Variants in CPNE4 observed in about 807,000 individuals in gnomAD.
CPNE4 encodes the protein copine-4.
CPNE4 carries 25 observed loss-of-function variants against 67.9 expected under a neutral mutation model. The observed-to-expected ratio is 0.37, with a 90% CI of 0.27 to 0.51. The LOEUF (loss-of-function observed/expected upper bound fraction) is 0.51. Ranked by LOEUF, CPNE4 falls within the 20% of genes least tolerant of loss-of-function variation. The pLI is 0.93. For synonymous variants in CPNE4, 242 were observed against 244.9 expected, an observed-to-expected ratio of 0.99 and a Z score of 0.11; for missense variants, 464 against 690.8, an observed-to-expected ratio of 0.67 and a Z score of 3.68.
At chr3:132,031,064 A>G (rs990036440) in intron 1 of CPNE4, among the ~76,000 whole-genome samples, 15 of 152,118 alleles carry the variant, frequency 9.9e-5, no homozygotes, top group African/African-American at 3.4e-4. Context: ...AGAAAATATT[A>G]TAAGATTTTG....
chr3:131,703,895 T>C (rs2081359523), intron 3 of CPNE4, among the ~76,000 whole-genome samples: 1 of 152,326 alleles, frequency 6.6e-6, no homozygotes, highest in Non-Finnish European at 1.5e-5. Flanking sequence ...ACATGCATTA[T>C]AGAACTTTTA....
intron 2 of CPNE4, among the ~76,000 whole-genome samples, chr3:131,788,505 A>T (rs1386737091): frequency 1.3e-5 from 2 of 152,140 alleles, no homozygotes; most frequent in African/African-American, 4.8e-5. Flanking sequence ...GGTAATACTC[A>T]ATGTTGACAA....
chr3:131,728,611 A>G (rs2082052583), intron 2 of CPNE4, among the ~76,000 whole-genome samples: 1 of 152,108 alleles, frequency 6.6e-6, no homozygotes, highest in African/African-American at 2.4e-5. Flanking sequence ...AACACTGCCC[A>G]TAGAAATTGG....
chr3:131,699,858 C>G (rs148551652), intron 4 of CPNE4, 51 bp downstream of exon 4: 2 of 1,523,118 alleles, frequency 1.3e-6, no homozygotes, highest in African/African-American at 2.7e-5. Flanking sequence ...CTGGCCAGTC[C>G]GCCCAGGCTC....
intron 7 of CPNE4, among the ~76,000 whole-genome samples, chr3:131,600,105 C>T (rs1274051635): frequency 6.6e-6 from 1 of 152,054 alleles, no homozygotes; most frequent in Non-Finnish European, 1.5e-5. Flanking sequence ...CTGGGATGTC[C>T]AGCAGCCATA....
At chr3:132,025,416 G>A (rs1156312519) in intron 1 of CPNE4, among the ~76,000 whole-genome samples, 1 of 152,156 alleles carries the variant, frequency 6.6e-6, no homozygotes, top group East Asian at 1.9e-4. Flanking sequence ...CCAGCATAAC[G>A]CTTGAGTCAC....
At chr3:131,594,707 T>A (rs1938738399) in intron 7 of CPNE4, among the ~76,000 whole-genome samples, 1 of 152,162 alleles carries the variant, frequency 6.6e-6, no homozygotes, top group Admixed American at 6.5e-5. Flanking sequence ...TAGGACTACA[T>A]CAAACTAAAA....
At chr3:131,717,441 T>G (rs1047986326) in intron 3 of CPNE4, among the ~76,000 whole-genome samples, 3 of 152,202 alleles carry the variant, frequency 2.0e-5, no homozygotes, top group African/African-American at 7.2e-5. Context: ...AGCTATCACC[T>G]ATAGGGATTA....
At chr3:131,619,505 C>A (rs146497345) in intron 7 of CPNE4, among the ~76,000 whole-genome samples, 1 of 152,038 alleles carries the variant, frequency 6.6e-6, no homozygotes, top group Admixed American at 6.5e-5. Flanking sequence ...GCTTTGTGTG[C>A]GGTGAAATGC....
chr3:131,829,150 C>T (rs979483868), intron 2 of CPNE4, among the ~76,000 whole-genome samples: 3 of 152,260 alleles, frequency 2.0e-5, no homozygotes, highest in African/African-American at 7.2e-5. Flanking sequence ...TTCACTATCA[C>T]AAGAATGGAA....
rs368114471 is a variant in CPNE4, at chr3:131,560,076, T to A, written c.1061+4140A>T. Reference sequence around the variant, plus strand: ...TTAGAACTGACACAATAGTTCTGTCTCCCTTTGTGTTCAGATCATTTTTGA... The same window carrying A: ...TTAGAACTGACACAATAGTTCTGTCACCCTTTGTGTTCAGATCATTTTTGA... On this transcript the variant is annotated intron_variant, in intron 11 of 15. Transcript: ENST00000429747. Among the ~76,000 whole-genome samples the A allele has an allele frequency of 7.9e-5, 12 of 152,196 alleles. No homozygotes were observed. In the South Asian group the frequency reaches 2.1e-3, roughly 26 times the overall value.
At chr3:131,870,393 G>T (rs189981672) in intron 2 of CPNE4, among the ~76,000 whole-genome samples, 66 of 152,262 alleles carry the variant, frequency 4.3e-4, no homozygotes, top group Non-Finnish European at 7.8e-4. Flanking sequence ...ACAGATTTAC[G>T]ATATGAGGGC....
intron 2 of CPNE4, among the ~76,000 whole-genome samples, chr3:131,803,214 T>C (rs963238443): frequency 6.6e-6 from 1 of 152,180 alleles, no homozygotes; most frequent in Non-Finnish European, 1.5e-5. Flanking sequence ...GGATGAATTT[T>C]CATTTGAGTA....
chr3:132,001,820 T>A (rs2073458703), intron 1 of CPNE4, among the ~76,000 whole-genome samples: 1 of 152,100 alleles, frequency 6.6e-6, no homozygotes, highest in Non-Finnish European at 1.5e-5. Context: ...ATCCACTGAG[T>A]CCCTCCAAAT....
intron 10 of CPNE4, among the ~76,000 whole-genome samples, chr3:131,566,661 A>C (rs1937073288): frequency 1.3e-5 from 2 of 151,966 alleles, no homozygotes; most frequent in Non-Finnish European, 2.9e-5. Flanking sequence ...ACAATGTTTG[A>C]GAAAATCATA....
At chr3:131,697,463 T>A (rs919324109) in intron 4 of CPNE4, among the ~76,000 whole-genome samples, 9 of 152,254 alleles carry the variant, frequency 5.9e-5, no homozygotes, top group Admixed American at 6.5e-5. Flanking sequence ...TTACCTCTTT[T>A]CTATCTGAGC....
chr3:132,001,597 A>AAGAAAG (rs775991425), intron 1 of CPNE4, among the ~76,000 whole-genome samples: 2 of 151,376 alleles, frequency 1.3e-5, no homozygotes, highest in African/African-American at 2.4e-5. Context: ...GAAAGAAAGA[A>AAGAAAG]AGAAAGAAAG....
chr3:131,664,073 A>G (rs2080199337), intron 7 of CPNE4, among the ~76,000 whole-genome samples: 1 of 152,200 alleles, frequency 6.6e-6, no homozygotes, highest in Non-Finnish European at 1.5e-5. Flanking sequence ...AGGGGAAAGT[A>G]TCCATGTTAC....
chr3:131,817,413 C>T (rs1206537089), intron 2 of CPNE4, among the ~76,000 whole-genome samples: 1 of 152,066 alleles, frequency 6.6e-6, no homozygotes, highest in Admixed American at 6.5e-5. Flanking sequence ...CAAGAAACAG[C>T]AAGGAAGTCT....
Sources: gnomAD v4.1 joint callset for allele counts (sites outside exome capture counted in the v4.1 genomes callset) on GRCh38, gnomAD v4.1.1 for gene constraint, MANE v1.5 for transcripts, NCBI Gene and HGNC (gene_info 2026-07-23, HGNC 2026-07-21) for gene names.